SLC9C2: variants seen among roughly 807,000 people sequenced by gnomAD.
SLC9C2 encodes the protein sodium/hydrogen exchanger 11.
SLC9C2 carries 75 observed loss-of-function variants against 140.2 expected under a neutral mutation model. The ratio of observed to expected loss-of-function variants is 0.53; its 90% CI spans 0.44 to 0.65. The LOEUF is 0.65. SLC9C2 is among the 30% of genes least tolerant of loss of function. The pLI is 0.00. For missense variants in SLC9C2, 1,074 were observed against 1,331.8 expected, an observed-to-expected ratio of 0.81 and a Z score of 3.01; for synonymous variants, 375 against 420.9, an observed-to-expected ratio of 0.89 and a Z score of 1.34.
chr1:173,510,073 G>A (rs1659933574), intron 23 of SLC9C2, among the ~76,000 whole-genome samples: 1 of 152,098 alleles, frequency 6.6e-6, no homozygotes, highest in African/African-American at 2.4e-5. Flanking sequence ...TTTGTTTCCA[G>A]AGGCAAATAG....
rs566471955 is a variant in SLC9C2, at chr1:173,521,246, A to G, written c.2739+55T>C. On this transcript the variant is annotated intron_variant, in intron 22 of 27. Transcript: ENST00000367714. ...AAATTTATTCTTATTCTACAATTAC[A>G]TGTTTCAAAATACATTTTAAGTAAA... is the stretch of plus-strand genomic sequence containing the variant. The G allele has an allele frequency of 3.3e-4, 322 of 979,082 alleles. 1 individual carries two copies. Among genetic ancestry groups the G allele is most frequent in the Admixed American group, 1.7e-3 (53 of 31,642 alleles). The allele number at this position is 979,082 out of a possible 1,614,324, so 60.6% of individuals were successfully genotyped here.
intron 7 of SLC9C2, among the ~76,000 whole-genome samples, chr1:173,579,966 T>C (rs960483209): frequency 6.6e-6 from 1 of 152,216 alleles, no homozygotes; most frequent in Admixed American, 6.5e-5. Flanking sequence ...CTCCATTTTT[T>C]AGAAGGAAAA....
At chr1:173,598,529 A>C (rs879746619) in intron 3 of SLC9C2, among the ~76,000 whole-genome samples, 1 of 152,236 alleles carries the variant, frequency 6.6e-6, no homozygotes, top group Non-Finnish European at 1.5e-5. Context: ...CATAAGACAT[A>C]AATCATGAAG....
chr1:173,526,235 C>G (rs571000036), intron 19 of SLC9C2, among the ~76,000 whole-genome samples: 1 of 152,308 alleles, frequency 6.6e-6, no homozygotes, highest in Admixed American at 6.5e-5. Flanking sequence ...AAATGACATT[C>G]GTTGCAGCCC....
In SLC9C2 at chr1:173,524,869, G is replaced by C; in HGVS notation, c.2424C>G (p.Ile808Met). Residue 808 changes from isoleucine to methionine, a missense_variant, in exon 20 of 28, where the codon ATC becomes ATG. Transcript: ENST00000367714. Reference protein sequence around the residue: ...VVIALKTKQAIRNVIAKALKN... With the variant: ...VVIALKTKQAMRNVIAKALKN... Reference sequence around the variant, plus strand: ...TTAGAGCTTTAGCAATCACATTCCGGATTGCCTGTTTAGTCTTCAAAGCAA... The same window carrying C: ...TTAGAGCTTTAGCAATCACATTCCGCATTGCCTGTTTAGTCTTCAAAGCAA... The C allele has an allele frequency of 6.2e-7, 1 of 1,614,072 alleles. No homozygotes were observed. The highest frequency in any genetic ancestry group is 8.5e-7 in the Non-Finnish European group (1 of 1,179,974).
At chr1:173,526,766 T>C (rs1366180975) in intron 18 of SLC9C2, 52 bp from the exon 19 acceptor site, 2 of 1,226,396 alleles carry the variant, frequency 1.6e-6, no homozygotes, top group Non-Finnish European at 2.2e-6. Context: ...ATAGTTTCTG[T>C]AAGAAATTAA....
At chr1:173,542,513 G>T (rs1359228302) in intron 13 of SLC9C2, among the ~76,000 whole-genome samples, 1 of 151,994 alleles carries the variant, frequency 6.6e-6, no homozygotes, top group East Asian at 1.9e-4. Context: ...ATTTTATGAG[G>T]CCAGTGTCAT....
At chr1:173,501,432 C>A (rs912536485) in intron 27 of SLC9C2, among the ~76,000 whole-genome samples, 4 of 150,056 alleles carry the variant, frequency 2.7e-5, no homozygotes, top group Non-Finnish European at 1.5e-5. Context: ...TTTTGTAAAT[C>A]GGAATGGGAA....
chr1:173,590,242 CAA>C (rs1276203820), intron 4 of SLC9C2, among the ~76,000 whole-genome samples: 3 of 95,502 alleles, frequency 3.1e-5, no homozygotes, highest in Non-Finnish European at 5.0e-5. Context: ...GACTCCATCT[CAA>C]AAAAAAAAAA....
At chr1:173,533,506 G>A in intron 17 of SLC9C2, 103 bp downstream of exon 17, 2 of 789,494 alleles carry the variant, frequency 2.5e-6, no homozygotes, top group Non-Finnish European at 4.1e-6. Flanking sequence ...TCAAACTTCT[G>A]GACTCAAGCA....
At chr1:173,526,565 G>T in intron 19 of SLC9C2, 98 bp downstream of exon 19, 1 of 1,119,122 alleles carries the variant, frequency 8.9e-7, no homozygotes, top group Non-Finnish European at 1.3e-6. Flanking sequence ...ATGCATAAAT[G>T]AATGAGCAAG....
intron 24 of SLC9C2, among the ~76,000 whole-genome samples, chr1:173,509,182 G>A (rs1032811535): frequency 2.0e-5 from 3 of 152,040 alleles, no homozygotes; most frequent in African/African-American, 2.4e-5. Context: ...AGTGGCTCAC[G>A]CCTATAATCC....
intron 11 of SLC9C2, 100 bp downstream of exon 11, chr1:173,554,633 C>A: frequency 2.8e-6 from 2 of 726,486 alleles, no homozygotes; most frequent in Non-Finnish European, 2.4e-6. Flanking sequence ...ATTTCTAAAC[C>A]AATTCCTTGA....
At chr1:173,543,727 C>A (rs1191383001) in intron 13 of SLC9C2, among the ~76,000 whole-genome samples, 1 of 152,172 alleles carries the variant, frequency 6.6e-6, no homozygotes, top group Non-Finnish European at 1.5e-5. Context: ...TGATCTTTGA[C>A]AAACCTGACA....
intron 9 of SLC9C2, among the ~76,000 whole-genome samples, chr1:173,572,409 C>A (rs1474128247): frequency 1.6e-5 from 2 of 122,544 alleles, no homozygotes; most frequent in African/African-American, 8.8e-5. Context: ...CAGTGCCTTG[C>A]GTTAGCAGAC....
intron 23 of SLC9C2, among the ~76,000 whole-genome samples, chr1:173,515,495 T>C (rs775626085): frequency 5.9e-5 from 9 of 152,326 alleles, no homozygotes; most frequent in Middle Eastern, 3.4e-3. Context: ...TCATGCTGTG[T>C]TTTTCAGCTC....
chr1:173,550,199 C>G (rs557261998), intron 11 of SLC9C2, among the ~76,000 whole-genome samples: 2 of 152,106 alleles, frequency 1.3e-5, no homozygotes, highest in East Asian at 3.9e-4. Context: ...CCCAGGAATT[C>G]AAGACCAACC....
At chr1:173,554,301 C>G (rs1463770968) in intron 11 of SLC9C2, among the ~76,000 whole-genome samples, 1 of 152,188 alleles carries the variant, frequency 6.6e-6, no homozygotes, top group East Asian at 1.9e-4. Context: ...GCTGCTTACC[C>G]TCCATTGCCA....
intron 19 of SLC9C2, among the ~76,000 whole-genome samples, chr1:173,525,607 G>T (rs1256567159): frequency 1.3e-5 from 2 of 152,192 alleles, no homozygotes; most frequent in African/African-American, 4.8e-5. Flanking sequence ...ATTAACCTCT[G>T]TAATAATAGT....
Sources: gnomAD v4.1 joint callset for allele counts (sites outside exome capture counted in the v4.1 genomes callset) on GRCh38, gnomAD v4.1.1 for gene constraint, MANE v1.5 for transcripts, NCBI Gene and HGNC (gene_info 2026-07-23, HGNC 2026-07-21) for gene names.